Variants in SYVN1 observed in about 807,000 individuals in gnomAD.
SYVN1 encodes the protein E3 ubiquitin-protein ligase synoviolin.
In SYVN1, 17 loss-of-function variants were observed where a neutral mutation model predicts 62.6. The ratio of observed to expected loss-of-function variants is 0.27; its 90% CI spans 0.19 to 0.41. SYVN1 has a LOEUF of 0.41. SYVN1 is among the 10% of genes least tolerant of loss of function. The probability of loss-of-function intolerance (pLI) is 1.00; values close to 1 mark genes in which losing one functional copy is unlikely to be tolerated. For missense variants in SYVN1, 634 were observed against 818.0 expected (o/e 0.78, Z 2.74); for synonymous variants, 316 against 304.0 (o/e 1.04, Z -0.41).
intron 11 of SYVN1, 135 bp from the exon 12 acceptor site, chr11:65,130,514 G>A: frequency 2.1e-6 from 3 of 1,398,454 alleles, no homozygotes; most frequent in Non-Finnish European, 2.8e-6. Context: ...CTGACTGCAA[G>A]CATCTATTTC....
Position 65,127,616 on chromosome 11 carries a change from T to G in SYVN1, c.*766A>C, listed in dbSNP as rs1948117095. 1 of 152,936 alleles carries G rather than the reference T, an allele frequency of 6.5e-6. No individual in the cohort carries two copies. The highest frequency in any genetic ancestry group is 1.5e-5 in the Non-Finnish European group (1 of 68,590). 9.5% of individuals were successfully genotyped at this position (152,936 alleles called of 1,614,324 possible). On this transcript the variant is annotated 3_prime_UTR_variant, in exon 16 of 16. Coordinates refer to ENST00000377190, the MANE Select transcript of SYVN1 (RefSeq NM_172230.3). ...AGTTCTGCCAGTTGAGAAGTGGCCT[T>G]CCTTGGGCGCTGGGATTGCAGTGGT...
chr11:65,128,981 G>C (rs1190243854), intron 14 of SYVN1: 1 of 465,206 alleles, frequency 2.1e-6, no homozygotes, highest in East Asian at 3.7e-5. Flanking sequence ...TCCACCCTGG[G>C]GAGTCAGGCA....
At chr11:65,128,772 T>C in intron 14 of SYVN1, 58 bp from the exon 15 acceptor site, 1 of 1,502,972 alleles carries the variant, frequency 6.7e-7, no homozygotes, top group Non-Finnish European at 9.0e-7. Flanking sequence ...TTGGGCAGAT[T>C]CTCCTGCCCT....
intron 10 of SYVN1, 22 bp from the exon 11 acceptor site, chr11:65,130,845 A>C (rs757511126): frequency 3.8e-6 from 6 of 1,592,582 alleles, no homozygotes; most frequent in Admixed American, 3.5e-5. Flanking sequence ...GGCCAGGCAG[A>C]GGTCAGCAGG....
Position 65,128,857 on chromosome 11 carries a change from T to C in SYVN1, c.1596-143A>G, listed in dbSNP as rs907064681. ...AGTGCCTGGCAAACACAAGTGAACA[T>C]GCTGAATGAACTCAGACAGGGTGAC... On this transcript the variant is annotated intron_variant, in intron 14 of 15. Transcript: ENST00000377190. 1.5e-5 allele frequency: 13 copies of C among 853,576 alleles called. No individual in the cohort carries two copies. In the African/African-American group the frequency reaches 1.5e-4, roughly 10 times the overall value. 52.9% of individuals were successfully genotyped at this position (853,576 alleles called of 1,614,324 possible).
intron 1 of SYVN1, among the ~76,000 whole-genome samples, chr11:65,134,092 T>C (rs754990308): frequency 3.3e-5 from 5 of 152,194 alleles, no homozygotes; most frequent in Non-Finnish European, 7.4e-5. Flanking sequence ...GGGTGGGCAG[T>C]TCGGACGCCC....
At position 65,128,112 on chromosome 11, in the gene SYVN1, CCTT is replaced by C; in HGVS notation, c.*267_*269del. On this transcript the variant is annotated 3_prime_UTR_variant, in exon 16 of 16. Coordinates refer to ENST00000377190, the MANE Select transcript of SYVN1 (RefSeq NM_172230.3). Reference sequence around the variant, plus strand: ...AGAAGAGGGCTTCTCAGAGGCTAAACCTTCTGCCTTCATGGCCCCAGCAGAACA... The same window carrying C: ...AGAAGAGGGCTTCTCAGAGGCTAAACCTGCCTTCATGGCCCCAGCAGAACA... 1.8e-6 allele frequency: 1 copy of C among 569,002 alleles called. No homozygotes were observed. Among genetic ancestry groups the C allele is most frequent in the Non-Finnish European group, 3.1e-6 (1 of 319,562 alleles). 35.2% of individuals were successfully genotyped at this position (569,002 alleles called of 1,614,324 possible). A position where few individuals can be genotyped will look rare whatever the true frequency, so the allele number is the denominator to read the frequency against.
Position 65,132,651 on chromosome 11 carries a change from T to A in SYVN1, c.427+81A>T, listed in dbSNP as rs559443208. ...CTAAATTATCTTTCCTGTACAGCTG[T>A]GGGGGGTAGCCTGTGCTCTGGAGTA... On this transcript the variant is annotated intron_variant, in intron 5 of 15. Transcript: ENST00000377190. The A allele has an allele frequency of 3.3e-5, 48 of 1,438,196 alleles. 2 individuals are homozygous for A. The highest frequency in any genetic ancestry group is 2.7e-4 in the African/African-American group (19 of 71,558). The allele number at this position is 1,438,196 out of a possible 1,614,324, so 89.1% of individuals were successfully genotyped here. A position where few individuals can be genotyped will look rare whatever the true frequency, so the allele number is the denominator to read the frequency against.
chr11:65,129,115 C>T (rs912869511), intron 14 of SYVN1: 8 of 182,818 alleles, frequency 4.4e-5, no homozygotes, highest in East Asian at 1.5e-4. Context: ...TAAAAGACAG[C>T]GTCTCGGCTC....
intron 14 of SYVN1, chr11:65,129,452 C>T (rs1948146330): frequency 5.1e-6 from 2 of 390,086 alleles, no homozygotes; most frequent in Admixed American, 7.7e-5. Context: ...TAAAGCACTG[C>T]AAATTCTGAA....
At chr11:65,129,208 A>G in intron 14 of SYVN1, 1 of 171,806 alleles carries the variant, frequency 5.8e-6, no homozygotes, top group Non-Finnish European at 1.3e-5. Flanking sequence ...CTCCTGCCTC[A>G]GCCTTCCAAA....
At position 65,132,760 on chromosome 11, in the gene SYVN1, G is replaced by A. The variant is rs1565349180; in HGVS notation, c.399C>T (p.Ile133=). 6.2e-7 allele frequency: 1 copy of A among 1,614,200 alleles called. No individual in the cohort carries two copies. The highest frequency in any genetic ancestry group is 8.5e-7 in the Non-Finnish European group (1 of 1,180,040). ...CAATGCGGCAGTGAAAGAGCCAGGA[G>A]ATGTTGGGGCTGCGTTCCATCTGAG... ...RVDFMERSPN[I]SWLFHCRIVS... Residue 133 remains isoleucine (I), a synonymous_variant, in exon 5 of 16, where the codon ATC becomes ATT. Transcript: ENST00000377190.
rs142884776 is a variant in SYVN1, at chr11:65,133,736, A to G, written c.-17-118T>C. ...GGGGAAATCACATTTCGCCCTCGAA[A>G]TCATCAGACAAAGAATAGCTTACGC... On this transcript the variant is annotated intron_variant, in intron 1 of 15. Transcript: ENST00000377190. The G allele has an allele frequency of 5.0e-6, 4 of 806,410 alleles. No homozygotes were observed. The African/African-American group carries it at 6.9e-5, about 14-fold the overall frequency. 50.0% of individuals were successfully genotyped at this position (806,410 alleles called of 1,614,324 possible). A position where few individuals can be genotyped will look rare whatever the true frequency, so the allele number is the denominator to read the frequency against.
At position 65,131,540 on chromosome 11, in the gene SYVN1, G is replaced by A. The variant is rs763500538; in HGVS notation, c.588C>T (p.Ser196=). ...LTIFIKYVLH[S]VDLQSENPWD... ...AGGGGTTCTCACTCTGGAGGTCCAC[G>A]GAGTGCAGCACATACTTGATGAAGA... The change falls in exon 7 of 16, where the codon TCC becomes TCT. Residue 196 remains serine, a synonymous_variant. Transcript: ENST00000377190. 26 of 1,613,870 alleles carry A rather than the reference G, an allele frequency of 1.6e-5. No individual in the cohort carries two copies. The highest frequency in any genetic ancestry group is 2.0e-5 in the Non-Finnish European group (24 of 1,179,978).
intron 6 of SYVN1, 23 bp from the exon 7 acceptor site, chr11:65,131,619 G>A (rs2137247981): frequency 6.2e-7 from 1 of 1,611,058 alleles, no homozygotes; most frequent in Non-Finnish European, 8.5e-7. Context: ...GGGGACGAGG[G>A]GGATGTAAAC....
chr11:65,130,500 C>T, intron 11 of SYVN1, 121 bp from the exon 12 acceptor site: 1 of 1,404,168 alleles, frequency 7.1e-7, no homozygotes, highest in Non-Finnish European at 9.4e-7. Flanking sequence ...CAGCACTGGT[C>T]ACACTGACTG....
Position 65,128,682 on chromosome 11 carries a change from G to C in SYVN1, c.1628C>G (p.Thr543Ser), listed in dbSNP as rs1209183027. The C allele has an allele frequency of 6.2e-7, 1 of 1,613,482 alleles. No individual in the cohort carries two copies. Among genetic ancestry groups the C allele is most frequent in the East Asian group, 2.2e-5 (1 of 44,882 alleles). The stretch of plus-strand genomic sequence containing the variant: ...AACAACTGTAGTGGCAGTCTCCTCA[G>C]TGGAGTTGACTGAAGTGGCAGGCCG... ...PPRPATSVNSTEETATTVVAA... is the reference protein window; with the variant it reads ...PPRPATSVNSSEETATTVVAA... Residue 543 changes from threonine to serine, a missense_variant, in exon 15 of 16, where the codon ACT (threonine) becomes AGT (serine). Physicochemically the swap from Thr to Ser is moderately conservative, Grantham distance 58. Coordinates refer to ENST00000377190, the MANE Select transcript of SYVN1 (RefSeq NM_172230.3).
At chr11:65,131,419 G>A (rs1390948668) in intron 7 of SYVN1, 46 bp from the exon 8 acceptor site, 1 of 1,613,884 alleles carries the variant, frequency 6.2e-7, no homozygotes, top group East Asian at 2.2e-5. Context: ...GGGCCAGGAG[G>A]CAGAGTGGAG....
In SYVN1 at chr11:65,128,435, C is replaced by T. The variant is rs774527644; in HGVS notation, c.1801G>A (p.Ala601Thr). 5 of 1,614,020 alleles carry T rather than the reference C, an allele frequency of 3.1e-6. No homozygotes were observed. Among genetic ancestry groups the T allele is most frequent in the Admixed American group, 1.7e-5 (1 of 60,006 alleles). Residue 601 changes from alanine (A) to threonine (T), a missense_variant, in exon 16 of 16, where the codon GCA (alanine) becomes ACA (threonine). Ala to Thr is a moderately conservative substitution (Grantham distance 58). Around this residue, in one of 2 missense-constraint regions of SYVN1, gnomAD observed 351 missense variants for 373.3 expected, o/e 0.94. Transcript: ENST00000377190. ...EMPEDGEPDA[A>T]ELRRRRLQKL... The stretch of plus-strand genomic sequence containing the variant: ...TGCAGGCGGCGCCGGCGGAGCTCTG[C>T]TGCATCGGGCTCTCCATCCTCAGGC...
Sources: allele counts gnomAD v4.1 joint callset (sites outside exome capture counted in the v4.1 genomes callset), GRCh38; gene constraint gnomAD v4.1.1; regional missense constraint gnomAD v4.1.1; transcripts MANE v1.5; gene names NCBI Gene and HGNC (gene_info 2026-07-23, HGNC 2026-07-21).